The following PDE1C variants were observed in gnomAD, a reference collection of about 807,000 sequenced individuals.
PDE1C encodes the protein phosphodiesterase 1C.
PDE1C carries 62 observed loss-of-function variants against 93.1 expected under a neutral mutation model. That is an observed-to-expected ratio of 0.67 (90% CI 0.54 to 0.82). The LOEUF (loss-of-function observed/expected upper bound fraction) is 0.82, where lower values mean the gene tolerates loss of function less well. Among genes scored for constraint, PDE1C ranks in the 40% least tolerant of loss-of-function variants. PDE1C has a pLI of 0.00. For missense variants in PDE1C, 742 were observed against 884.6 expected (o/e 0.84, Z 2.04); for synonymous variants, 325 against 310.1 (o/e 1.05, Z -0.50).
rs191559332 is a variant in PDE1C at position 31,922,030 on chromosome 7, G to C, written c.129-41170C>G. On this transcript the variant is annotated intron_variant, in intron 2 of 17. Transcript: ENST00000396191. ...TCCAAGGTCAAACAGCTGATAGGTG[G>C]TAGAGATAAAATCCGAAACCTGTCA... 7.2e-5 allele frequency among the ~76,000 whole-genome samples: 11 copies of C among 152,214 alleles called. No homozygotes were observed. The East Asian group carries it at 1.9e-3, about 27-fold the overall frequency.
chr7:32,306,228 TC>T lies in PDE1C; in HGVS notation c.311-96690del, dbSNP rs1340573005. On this transcript the variant is annotated intron_variant, in intron 1 of 1. Coordinates refer to the PDE1C transcript ENST00000672256. ...TATAAATTACTCAGTCTTGGGTATGTCTTTATCAGCAGCATGAAAACGGGCT... is the reference window on the plus strand; with the variant it reads ...TATAAATTACTCAGTCTTGGGTATGTTTTATCAGCAGCATGAAAACGGGCT... Among the ~76,000 whole-genome samples, 18 of 152,196 alleles carry T rather than the reference TC, an allele frequency of 1.2e-4. 1 individual carries two copies. The highest frequency in any genetic ancestry group is 1.2e-3 in the Admixed American group (18 of 15,276).
chr7:32,128,954 A>ATATAT lies in PDE1C; in HGVS notation c.308+40830_308+40831insATATA, dbSNP rs58719690. Among the ~76,000 whole-genome samples, 122 of 78,988 alleles carry ATATAT rather than the reference A, an allele frequency of 1.5e-3. 8 individuals carry two copies. Among genetic ancestry groups the ATATAT allele is most frequent in the African/African-American group, 7.4e-3 (114 of 15,500 alleles). The allele number at this position is 78,988 out of a possible 152,430, so 51.8% of individuals were successfully genotyped here. A position where few individuals can be genotyped will look rare whatever the true frequency, so the allele number is the denominator to read the frequency against. ...ATATATATATATATATATATATATAAAGAAAAATCTAAAAAAAACAGAAAA... is the reference window on the plus strand; with the variant it reads ...ATATATATATATATATATATATATAATATATAGAAAAATCTAAAAAAAACAGAAAA... On this transcript the variant is annotated intron_variant, in intron 3 of 18. Transcript: ENST00000396193.
At chr7:31,770,283 A>G (rs997806406) in intron 17 of PDE1C, among the ~76,000 whole-genome samples, 5 of 152,150 alleles carry the variant, frequency 3.3e-5, no homozygotes, top group Non-Finnish European at 5.9e-5. Flanking sequence ...GATTCTTTAC[A>G]TATTCTGGAT....
chr7:31,722,870 G>T, the PDE1C span, among the ~76,000 whole-genome samples: 4 of 152,148 alleles, frequency 2.6e-5, no homozygotes, highest in African/African-American at 7.2e-5. Flanking sequence ...TTCGTTTTCA[G>T]TTTTTCTAGT....
intron 16 of PDE1C, among the ~76,000 whole-genome samples, chr7:31,775,972 G>A (rs1795801857): frequency 1.3e-5 from 2 of 152,270 alleles, no homozygotes; most frequent in African/African-American, 2.4e-5. Context: ...TGTTGGGACC[G>A]ATGTGCCACT....
chr7:32,056,944 A>G (rs1794203042), intron 1 of PDE1C, among the ~76,000 whole-genome samples: 1 of 152,126 alleles, frequency 6.6e-6, no homozygotes, highest in African/African-American at 2.4e-5. Context: ...AGCTTTTCCC[A>G]TGCATAAGGG....
intron 1 of PDE1C, among the ~76,000 whole-genome samples, chr7:32,366,165 T>C (rs1202630730): frequency 1.3e-5 from 2 of 152,028 alleles, no homozygotes; most frequent in East Asian, 1.9e-4. Flanking sequence ...AGAATACAGA[T>C]AGACAATTCA....
chr7:31,897,291 C>T (rs753818943), intron 2 of PDE1C, among the ~76,000 whole-genome samples: 9 of 152,132 alleles, frequency 5.9e-5, no homozygotes, highest in African/African-American at 2.2e-4. Flanking sequence ...AAATTTAAAA[C>T]GAGACAGTTT....
chr7:31,857,922 C>A (rs1048253860), intron 7 of PDE1C, among the ~76,000 whole-genome samples: 2 of 151,984 alleles, frequency 1.3e-5, no homozygotes, highest in Non-Finnish European at 2.9e-5. Context: ...AAGAGGAGTT[C>A]CTGAAATTAA....
At chr7:32,151,277 T>C (rs1801237642) in intron 3 of PDE1C, among the ~76,000 whole-genome samples, 1 of 152,156 alleles carries the variant, frequency 6.6e-6, no homozygotes, top group Non-Finnish European at 1.5e-5. Context: ...ATATTCCACT[T>C]ACCAACTGTT....
Position 31,943,326 on chromosome 7 carries a change from T to C in PDE1C, c.129-62466A>G, listed in dbSNP as rs186163465. Among the ~76,000 whole-genome samples, 533 of 152,280 alleles carry C rather than the reference T, an allele frequency of 3.5e-3. 9 individuals carry two copies. The highest frequency in any genetic ancestry group is 3.4e-3 in the Middle Eastern group (1 of 294). On this transcript the variant is annotated intron_variant, in intron 2 of 17. Transcript: ENST00000396191. ...CCAGGGAGGCTCAGAACACATGAGATTGGCCCTTGTCCTGCAGTCACTGCT... is the reference window on the plus strand; with the variant it reads ...CCAGGGAGGCTCAGAACACATGAGACTGGCCCTTGTCCTGCAGTCACTGCT...
intron 1 of PDE1C, among the ~76,000 whole-genome samples, chr7:32,378,478 C>T (rs915477734): frequency 3.3e-5 from 5 of 152,104 alleles, no homozygotes; most frequent in African/African-American, 1.2e-4. Flanking sequence ...GACCACCAGG[C>T]TAAGAGGAGA....
chr7:31,849,152 G>A (rs527835261), intron 8 of PDE1C, among the ~76,000 whole-genome samples: 1 of 152,182 alleles, frequency 6.6e-6, no homozygotes, highest in Non-Finnish European at 1.5e-5. Flanking sequence ...CATCTGTTGA[G>A]TAAGTTAGAT....
At chr7:31,701,257 T>C in the PDE1C span, among the ~76,000 whole-genome samples, 1 of 152,212 alleles carries the variant, frequency 6.6e-6, no homozygotes, top group Non-Finnish European at 1.5e-5. Context: ...AAGAAGTTGA[T>C]TCCAACCTTT....
At position 32,103,725 on chromosome 7, in the gene PDE1C, A is replaced by G. The variant is rs189366108; in HGVS notation, c.308+66060T>C. ...TAAGAAAAGCCTTCTAAATGATATG[A>G]GTCAAAAACAAATAACAAAAAGGAA... On this transcript the variant is annotated intron_variant, in intron 3 of 18. Coordinates refer to the PDE1C transcript ENST00000396193. Among the ~76,000 whole-genome samples the G allele has an allele frequency of 1.1e-4, 17 of 152,338 alleles. No individual in the cohort carries two copies. In the East Asian group the frequency reaches 3.1e-3, roughly 28 times the overall value.
chr7:31,636,769 G>A, the PDE1C span, among the ~76,000 whole-genome samples: 4 of 150,980 alleles, frequency 2.6e-5, no homozygotes, highest in Admixed American at 2.0e-4. Flanking sequence ...GGGTACATGT[G>A]CGTAATGTGC....
chr7:31,764,174 G>A (rs968922298), intron 17 of PDE1C, among the ~76,000 whole-genome samples: 6 of 151,910 alleles, frequency 3.9e-5, no homozygotes, highest in East Asian at 1.9e-4. Flanking sequence ...TTTTTAAGAC[G>A]GAGTCTTGAT....
At chr7:31,713,734 C>T in the PDE1C span, among the ~76,000 whole-genome samples, 3 of 152,326 alleles carry the variant, frequency 2.0e-5, no homozygotes, top group South Asian at 4.1e-4. Context: ...TCTGTGCACT[C>T]GCAGGCTCAA....
At chr7:32,298,758 C>T in exon 1 of PDE1C, 2 of 1,572,226 alleles carry the variant, frequency 1.3e-6, no homozygotes, top group Non-Finnish European at 1.7e-6. Context: ...CGGGCAGGGG[C>T]CTCGCAGCGA....
Sources: gnomAD v4.1 joint callset for allele counts (sites outside exome capture counted in the v4.1 genomes callset) on GRCh38, gnomAD v4.1.1 for gene constraint, MANE v1.5 for transcripts, NCBI Gene and HGNC (gene_info 2026-07-23, HGNC 2026-07-21) for gene names.